Variants in AMMECR1 observed in about 807,000 individuals in gnomAD.
AMMECR1 encodes the protein AMMECR nuclear protein 1.
AMMECR1 carries 3 observed loss-of-function variants against 22.5 expected under a neutral mutation model. That is an observed-to-expected ratio of 0.13 (90% CI 0.06 to 0.35). AMMECR1 has a LOEUF of 0.35. Among genes scored for constraint, AMMECR1 ranks in the 10% least tolerant of loss-of-function variants. The pLI is 1.00. For missense variants in AMMECR1, 235 were observed against 278.7 expected (o/e 0.84, Z 1.12); for synonymous variants, 130 against 116.7 (o/e 1.11, Z -0.74).
chrX:110,366,323 CAG>C (rs769993893), intron 2 of AMMECR1, among the ~76,000 whole-genome samples: 61 of 111,830 alleles, frequency 5.5e-4, no homozygotes, highest in Non-Finnish European at 9.4e-4. Flanking sequence ...CGAGAATATT[CAG>C]AGTCCTTAAT....
intron 2 of AMMECR1, chrX:110,224,987 T>C (rs1460953859): frequency 1.4e-5 from 5 of 357,493 alleles, no homozygotes; most frequent in African/African-American, 1.3e-4. Context: ...ATCCATAGAA[T>C]CCCTTCAGAA....
intron 2 of AMMECR1, among the ~76,000 whole-genome samples, chrX:110,365,580 C>A (rs1311332336): frequency 8.9e-6 from 1 of 111,972 alleles, no homozygotes; most frequent in East Asian, 2.8e-4. Context: ...TAATCTCTCT[C>A]TAATATCTTA....
At chrX:110,200,907 C>G in intron 5 of AMMECR1, 47 bp downstream of exon 5, 1 of 938,796 alleles carries the variant, frequency 1.1e-6, no homozygotes, top group Non-Finnish European at 1.5e-6. Context: ...TAGGCATACA[C>G]ATCAAAATGT....
chrX:110,212,120 A>G (rs1278689010), intron 3 of AMMECR1, among the ~76,000 whole-genome samples: 1 of 112,010 alleles, frequency 8.9e-6, no homozygotes, highest in Non-Finnish European at 1.9e-5. Flanking sequence ...CTACTTTCCT[A>G]CTAACTTCCA....
chrX:110,377,918 A>C (rs2068389236), intron 2 of AMMECR1, among the ~76,000 whole-genome samples: 1 of 102,389 alleles, frequency 9.8e-6, no homozygotes, highest in Admixed American at 1.1e-4. Context: ...CTGAGGCAGG[A>C]GAATGGCGTG....
At chrX:110,267,199 T>C (rs1190892136) in intron 1 of AMMECR1, among the ~76,000 whole-genome samples, 1 of 111,304 alleles carries the variant, frequency 9.0e-6, no homozygotes, top group Admixed American at 9.5e-5. Context: ...TTTCGGCATA[T>C]ACCCAGTAAT....
intron 1 of AMMECR1, among the ~76,000 whole-genome samples, chrX:110,304,115 T>C (rs1254538655): frequency 8.9e-6 from 1 of 112,335 alleles, no homozygotes; most frequent in Non-Finnish European, 1.9e-5. Context: ...ATTTTGTTTC[T>C]AAATAACAGT....
At chrX:110,379,108 T>C (rs917749937) in intron 2 of AMMECR1, among the ~76,000 whole-genome samples, 27 of 112,216 alleles carry the variant, frequency 2.4e-4, no homozygotes, top group African/African-American at 8.1e-4. Context: ...GCTAGCTCTT[T>C]CATGATACTC....
rs570855304 is a variant in AMMECR1, at chrX:110,436,374, T to C, written c.-294+3516A>G. ...TGGCTTAAGGAGAGCTCTTTAAACA[T>C]GCAGATTCTAGGGCTGAAGCACAAA... On this transcript the variant is annotated intron_variant, in intron 1 of 7. Coordinates refer to the AMMECR1 transcript ENST00000372057. Among the ~76,000 whole-genome samples the C allele has an allele frequency of 1.1e-4, 12 of 111,909 alleles. No individual in the cohort carries two copies. In the South Asian group the frequency reaches 4.6e-3, roughly 42 times the overall value.
At chrX:110,361,942 C>G (rs2068266427) in intron 2 of AMMECR1, among the ~76,000 whole-genome samples, 1 of 111,665 alleles carries the variant, frequency 9.0e-6, no homozygotes, top group African/African-American at 3.3e-5. Context: ...ACTGTATTTA[C>G]CAAAACAGGG....
chrX:110,311,575 G>C (rs2068023470), intron 1 of AMMECR1, among the ~76,000 whole-genome samples: 1 of 110,522 alleles, frequency 9.0e-6, no homozygotes, highest in Non-Finnish European at 1.9e-5. Context: ...TTTTAACTTT[G>C]AGCAAGTTTC....
intron 2 of AMMECR1, among the ~76,000 whole-genome samples, chrX:110,398,692 G>A (rs1251629181): frequency 3.6e-5 from 4 of 111,783 alleles, no homozygotes; most frequent in East Asian, 2.8e-4. Flanking sequence ...ATTTGTTTCC[G>A]ACTCATTATA....
At chrX:110,422,224 C>A (rs1249718858) in intron 2 of AMMECR1, among the ~76,000 whole-genome samples, 1 of 112,453 alleles carries the variant, frequency 8.9e-6, no homozygotes, top group Non-Finnish European at 1.9e-5. Context: ...TGGCCCAGAA[C>A]CAGGAACTGT....
chrX:110,348,524 C>T (rs940649710), intron 2 of AMMECR1, among the ~76,000 whole-genome samples: 1 of 112,066 alleles, frequency 8.9e-6, no homozygotes. Context: ...AAGCACACTG[C>T]AACTAGAGAC....
chrX:110,319,871 A>G (rs2068072415), upstream of AMMECR1, among the ~76,000 whole-genome samples: 1 of 112,394 alleles, frequency 8.9e-6, no homozygotes, highest in African/African-American at 3.2e-5. Context: ...GATGGACAAA[A>G]GATAGTGACA....
intron 2 of AMMECR1, among the ~76,000 whole-genome samples, chrX:110,235,449 A>G (rs1383865530): frequency 8.9e-6 from 1 of 112,545 alleles, no homozygotes; most frequent in Non-Finnish European, 1.9e-5. Flanking sequence ...TAGAACTAGA[A>G]TTACCATTTG....
chrX:110,337,204 A>G (rs1406396208), intron 2 of AMMECR1, among the ~76,000 whole-genome samples: 1 of 111,345 alleles, frequency 9.0e-6, no homozygotes, highest in East Asian at 2.8e-4. Context: ...TCTAGGACCC[A>G]TTTCTTAAAA....
At chrX:110,233,260 C>T (rs1253966249) in intron 2 of AMMECR1, among the ~76,000 whole-genome samples, 1 of 111,863 alleles carries the variant, frequency 8.9e-6, no homozygotes, top group Non-Finnish European at 1.9e-5. Flanking sequence ...TGGACACACA[C>T]ACTCTCCCAA....
intron 2 of AMMECR1, among the ~76,000 whole-genome samples, chrX:110,262,750 G>A (rs2067748481): frequency 8.9e-6 from 1 of 111,736 alleles, no homozygotes; most frequent in Admixed American, 9.4e-5. Context: ...AAGCACAAAG[G>A]GTTTCTATAA....
Sources: allele counts gnomAD v4.1 joint callset (sites outside exome capture counted in the v4.1 genomes callset), GRCh38; gene constraint gnomAD v4.1.1; transcripts MANE v1.5; gene names NCBI Gene and HGNC (gene_info 2026-07-23, HGNC 2026-07-21).